Variants in DDX24 observed in about 807,000 individuals in gnomAD.
DDX24 encodes the protein ATP-dependent RNA helicase DDX24.
A neutral mutation model predicts 68.9 loss-of-function variants in DDX24; 24 were observed. The observed-to-expected ratio is 0.35, with a 90% CI of 0.25 to 0.49. The LOEUF (loss-of-function observed/expected upper bound fraction) is 0.49. Among genes scored for constraint, DDX24 ranks in the 20% least tolerant of loss-of-function variants. The pLI is 0.99. For synonymous variants in DDX24, 395 were observed against 385.2 expected (o/e 1.03, Z -0.30); for missense variants, 989 against 1,039.0 (o/e 0.95, Z 0.66).
chr14:94,064,271 T>G (rs576315410), intron 2 of DDX24, among the ~76,000 whole-genome samples: 50 of 152,366 alleles, frequency 3.3e-4, no homozygotes, highest in Non-Finnish European at 6.0e-4. Flanking sequence ...CTAAGAGCCT[T>G]GTAACTTTCT....
intron 2 of DDX24, among the ~76,000 whole-genome samples, chr14:94,077,650 C>G (rs777653067): frequency 4.0e-5 from 6 of 150,452 alleles, no homozygotes; most frequent in African/African-American, 7.5e-5. Flanking sequence ...GTGCATGACA[C>G]ATCTTAAATG....
rs578046911 is a variant in DDX24, at chr14:94,048,932, T to A, written c.*2259A>T. On this transcript the variant is annotated 3_prime_UTR_variant, in exon 9 of 9. Coordinates refer to ENST00000621632, the MANE Select transcript of DDX24 (RefSeq NM_020414.4). ...CTAGCATTAAAATGGTTTCCATAAC[T>A]ACTTTTGTCCTGGCTTCTTAATACT... The A allele has an allele frequency of 6.6e-6, 1 of 152,394 alleles. No homozygotes were observed. Among genetic ancestry groups the A allele is most frequent in the South Asian group, 2.1e-4 (1 of 4,830 alleles). 9.4% of individuals were successfully genotyped at this position (152,394 alleles called of 1,614,324 possible).
chr14:94,073,654 T>C (rs1197536009), intron 2 of DDX24, among the ~76,000 whole-genome samples: 1 of 152,196 alleles, frequency 6.6e-6, no homozygotes, highest in Admixed American at 6.5e-5. Context: ...AATAATCTAA[T>C]ATTTTAATCC....
In DDX24 at chr14:94,063,650, C is replaced by G. The variant is rs759633176; in HGVS notation, c.719-1029G>C. On this transcript the variant is annotated intron_variant, in intron 2 of 8. Coordinates refer to ENST00000621632, the MANE Select transcript of DDX24 (RefSeq NM_020414.4). ...ATATTTAAAAACTTCTTTTTATGGCCAGGCATGGTGGCTCATGCCTGTAAT... is the reference window on the plus strand; with the variant it reads ...ATATTTAAAAACTTCTTTTTATGGCGAGGCATGGTGGCTCATGCCTGTAAT... Among the ~76,000 whole-genome samples, 14 of 152,198 alleles carry G rather than the reference C, an allele frequency of 9.2e-5. 1 individual carries two copies. The highest frequency in any genetic ancestry group is 9.2e-4 in the Admixed American group (14 of 15,278).
intron 8 of DDX24, 59 bp downstream of exon 8, chr14:94,052,939 A>G (rs2141420524): frequency 6.4e-7 from 1 of 1,565,098 alleles, no homozygotes; most frequent in South Asian, 1.2e-5. Flanking sequence ...GGTTCCAACA[A>G]AGCAAAAGTT....
In DDX24 at chr14:94,049,365, T is replaced by A. The variant is rs980466493; in HGVS notation, c.*1826A>T. On this transcript the variant is annotated 3_prime_UTR_variant, in exon 9 of 9. Coordinates refer to ENST00000621632, the MANE Select transcript of DDX24 (RefSeq NM_020414.4). ...TCTCCCTGCCATTCTCTGATAGCTGTCAGTCAGGAGCTGACCTCACAGACG... is the reference window on the plus strand; with the variant it reads ...TCTCCCTGCCATTCTCTGATAGCTGACAGTCAGGAGCTGACCTCACAGACG... 2.0e-5 allele frequency: 3 copies of A among 152,234 alleles called. No individual in the cohort carries two copies. The highest frequency in any genetic ancestry group is 7.2e-5 in the African/African-American group (3 of 41,462). 9.4% of individuals were successfully genotyped at this position (152,234 alleles called of 1,614,324 possible). A position where few individuals can be genotyped will look rare whatever the true frequency, so the allele number is the denominator to read the frequency against.
At chr14:94,052,853 C>T (rs3790045) in intron 8 of DDX24, 145 bp downstream of exon 8, 507,341 of 1,164,088 alleles carry the variant, frequency 0.44, 113,440 homozygotes, top group African/African-American at 0.66. Flanking sequence ...AGTAGGCTCA[C>T]CTGGGACCAG....
rs1426146377 is a variant in DDX24, at chr14:94,079,220, T to C, written c.523A>G (p.Lys175Glu). 6.2e-7 allele frequency: 1 copy of C among 1,614,220 alleles called. No homozygotes were observed. ...TCAGGAATCCATGTCTTCGCTTTTT[T>C]GGGCACCTTGGCAGCAGTGCTCTGA... ...PSQSTAAKVP[K>E]KAKTWIPEVH... Residue 175 changes from lysine to glutamate, a missense_variant, in exon 2 of 9, where the codon AAA becomes GAA. Physicochemically the swap from Lys to Glu is moderately conservative, Grantham distance 56 (BLOSUM62 1). This residue lies in a region of DDX24 where 295 missense variants were observed against 263.0 expected (regional missense o/e 1.12). Transcript: ENST00000621632.
At position 94,049,257 on chromosome 14, in the gene DDX24, C is replaced by T. The variant is rs1885342155; in HGVS notation, c.*1934G>A. The stretch of plus-strand genomic sequence containing the variant: ...TGGCTTATGGCAAGTGGCTTCACTC[C>T]CACGGCTCAGGTGCCATTAGGGGAT... On this transcript the variant is annotated 3_prime_UTR_variant, in exon 9 of 9. Coordinates refer to ENST00000621632, the MANE Select transcript of DDX24 (RefSeq NM_020414.4). 1 of 152,230 alleles carries T rather than the reference C, an allele frequency of 6.6e-6. No homozygotes were observed. The highest frequency in any genetic ancestry group is 6.5e-5 in the Admixed American group (1 of 15,284). The allele number at this position is 152,230 out of a possible 1,614,324, so 9.4% of individuals were successfully genotyped here.
At chr14:94,058,956 G>C (rs1157615409) in intron 5 of DDX24, among the ~76,000 whole-genome samples, 1 of 152,176 alleles carries the variant, frequency 6.6e-6, no homozygotes, top group African/African-American at 2.4e-5. Context: ...ACAGGCAGCA[G>C]CCAGGTGTGA....
intron 2 of DDX24, among the ~76,000 whole-genome samples, chr14:94,077,923 A>T (rs1181528592): frequency 6.6e-6 from 1 of 152,168 alleles, no homozygotes; most frequent in Non-Finnish European, 1.5e-5. Context: ...CTTTTAAAAA[A>T]TGTGACTCCT....
chr14:94,078,782 C>A (rs1179697010), intron 2 of DDX24, among the ~76,000 whole-genome samples: 1 of 152,190 alleles, frequency 6.6e-6, no homozygotes, highest in Non-Finnish European at 1.5e-5. Flanking sequence ...GAGGTAGAAA[C>A]TGTTATCTCC....
In DDX24 at chr14:94,052,837, G is replaced by A. The variant is rs1356883235; in HGVS notation, c.2308+161C>T. Among the ~76,000 whole-genome samples the A allele has an allele frequency of 2.6e-5, 4 of 152,218 alleles. No homozygotes were observed. In the East Asian group the frequency reaches 5.8e-4, roughly 22 times the overall value. On this transcript the variant is annotated intron_variant, in intron 8 of 8. Coordinates refer to ENST00000621632, the MANE Select transcript of DDX24 (RefSeq NM_020414.4). ...GAGACAGAGGAAACAAAGACTGACC[G>A]AGGGCAGTAGGCTCACCTGGGACCA...
rs1026844550 is a variant in DDX24 at position 94,079,141 on chromosome 14, C to A, written c.602G>T (p.Arg201Met). The A allele has an allele frequency of 6.2e-7, 1 of 1,614,238 alleles. No individual in the cohort carries two copies. The highest frequency in any genetic ancestry group is 8.5e-7 in the Non-Finnish European group (1 of 1,180,056). The stretch of plus-strand genomic sequence containing the variant: ...AAAGCTGAGTGCTCGGAGAACCGGC[C>A]TGGGAACAAACAGGTCCTTCCAAGC... ...VSAWKDLFVP[R>M]PVLRALSFLG... The change falls in exon 2 of 9, where the codon AGG (arginine) becomes ATG (methionine). Residue 201 changes from arginine (R) to methionine (M), a missense_variant. Coordinates refer to ENST00000621632, the MANE Select transcript of DDX24 (RefSeq NM_020414.4).
chr14:94,072,847 A>C (rs1472479176), intron 2 of DDX24, among the ~76,000 whole-genome samples: 1 of 152,132 alleles, frequency 6.6e-6, no homozygotes, highest in Non-Finnish European at 1.5e-5. Context: ...AACAAACAAA[A>C]AAACTTGCTC....
At chr14:94,059,820 C>T (rs1280338579) in intron 5 of DDX24, among the ~76,000 whole-genome samples, 1 of 152,112 alleles carries the variant, frequency 6.6e-6, no homozygotes, top group Non-Finnish European at 1.5e-5. Flanking sequence ...TCTAAAGTGC[C>T]AGCACAGGAC....
intron 1 of DDX24, among the ~76,000 whole-genome samples, chr14:94,080,881 G>T (rs1163945506): frequency 1.3e-5 from 2 of 152,152 alleles, no homozygotes; most frequent in Non-Finnish European, 2.9e-5. Flanking sequence ...ACGAACGCGC[G>T]CACGAAACCG....
At position 94,060,631 on chromosome 14, in the gene DDX24, C is replaced by T. The variant is rs752477487; in HGVS notation, c.1398-18G>A. The stretch of plus-strand genomic sequence containing the variant: ...CCAGGCACCTGCAGATCCAGAGAGA[C>T]CCATATCATTGGTCAGCAGCGGGTT... On this transcript the variant is annotated intron_variant, in intron 4 of 8. Transcript: ENST00000621632. 1.9e-6 allele frequency: 3 copies of T among 1,607,880 alleles called. No individual in the cohort carries two copies. The highest frequency in any genetic ancestry group is 1.7e-5 in the Admixed American group (1 of 59,520).
At position 94,079,352 on chromosome 14, in the gene DDX24, C is replaced by T. The variant is rs752914816; in HGVS notation, c.391G>A (p.Asp131Asn). The change falls in exon 2 of 9, where the codon GAC becomes AAC. Residue 131 changes from aspartate (D) to asparagine (N), a missense_variant. Asp to Asn is a conservative substitution (Grantham distance 23). Transcript: ENST00000621632. ...KDPELEAQGDDMVCDDPEAGE... is the reference protein window; with the variant it reads ...KDPELEAQGDNMVCDDPEAGE... ...GCCTCCGGATCATCACAAACCATGT[C>T]ATCTCCCTGGGCCTCCAGCTCAGGA... 1 of 1,614,062 alleles carries T rather than the reference C, an allele frequency of 6.2e-7. No individual in the cohort carries two copies. The highest frequency in any genetic ancestry group is 1.1e-5 in the South Asian group (1 of 91,078).
Sources: gnomAD v4.1 joint callset for allele counts (sites outside exome capture counted in the v4.1 genomes callset) on GRCh38, gnomAD v4.1.1 for gene constraint, gnomAD v4.1.1 regional missense constraint, MANE v1.5 for transcripts, NCBI Gene and HGNC (gene_info 2026-07-23, HGNC 2026-07-21) for gene names.